PCDH15: variants seen among roughly 807,000 people sequenced by gnomAD.
PCDH15 encodes the protein protocadherin related 15.
In PCDH15, 129 loss-of-function variants were observed where a neutral mutation model predicts 178.5. The observed-to-expected ratio is 0.72, with a 90% CI of 0.63 to 0.84. PCDH15 has a LOEUF of 0.84. Among genes scored for constraint, PCDH15 ranks in the 40% least tolerant of loss-of-function variants. The pLI is 0.00. For missense variants in PCDH15, 2,230 were observed against 2,099.9 expected, an observed-to-expected ratio of 1.06 and a Z score of -1.21; for synonymous variants, 800 against 732.0, an observed-to-expected ratio of 1.09 and a Z score of -1.50.
chr10:54,330,492 A>G (rs1324579589), intron 6 of PCDH15, among the ~76,000 whole-genome samples: 1 of 151,956 alleles, frequency 6.6e-6, no homozygotes, highest in Non-Finnish European at 1.5e-5. Context: ...GCTATGTGAT[A>G]TATCATTGAC....
At chr10:54,307,356 G>A (rs2060624216) in intron 8 of PCDH15, among the ~76,000 whole-genome samples, 1 of 150,636 alleles carries the variant, frequency 6.6e-6, no homozygotes, top group Non-Finnish European at 1.5e-5. Flanking sequence ...ATTAGTGTGT[G>A]GAAAAACAGC....
At chr10:55,579,433 A>C (rs891674414) in intron 2 of PCDH15, among the ~76,000 whole-genome samples, 2 of 152,180 alleles carry the variant, frequency 1.3e-5, no homozygotes, top group Admixed American at 6.5e-5. Flanking sequence ...ACCTACTTGT[A>C]CAACTCATCT....
chr10:54,544,585 G>T (rs1276653376), intron 2 of PCDH15, among the ~76,000 whole-genome samples: 1 of 152,020 alleles, frequency 6.6e-6, no homozygotes, highest in Non-Finnish European at 1.5e-5. Flanking sequence ...TAATTTAATT[G>T]TGTTTGCATA....
intron 1 of PCDH15, among the ~76,000 whole-genome samples, chr10:54,797,604 A>G (rs959526704): frequency 6.6e-6 from 1 of 151,810 alleles, no homozygotes; most frequent in Admixed American, 6.6e-5. Flanking sequence ...TGTATTTAAA[A>G]TTATTTAGCA....
At chr10:55,318,265 G>A (rs976236503) in intron 1 of PCDH15, among the ~76,000 whole-genome samples, 6 of 152,040 alleles carry the variant, frequency 3.9e-5, no homozygotes, top group Admixed American at 3.9e-4. Context: ...TGTGTTGGGG[G>A]CAGGGGTGTG....
chr10:53,892,018 A>G (rs942492426), intron 26 of PCDH15, among the ~76,000 whole-genome samples: 116 of 99,176 alleles, frequency 1.2e-3, no homozygotes, highest in African/African-American at 5.7e-3. Context: ...CTTTACATCT[A>G]TGTTTTTTTT....
chr10:54,458,580 G>A (rs886370189), intron 3 of PCDH15, among the ~76,000 whole-genome samples: 3 of 151,858 alleles, frequency 2.0e-5, no homozygotes, highest in Non-Finnish European at 2.9e-5. Flanking sequence ...ATGCTTGCAG[G>A]GTGAATCTTT....
intron 3 of PCDH15, among the ~76,000 whole-genome samples, chr10:54,814,389 C>T (rs777689575): frequency 2.0e-5 from 3 of 151,938 alleles, no homozygotes; most frequent in East Asian, 1.9e-4. Flanking sequence ...AAAAATTAAA[C>T]GTGTATCTAA....
At chr10:54,078,795 G>T (rs559341876) in intron 17 of PCDH15, among the ~76,000 whole-genome samples, 3 of 151,518 alleles carry the variant, frequency 2.0e-5, no homozygotes, top group Admixed American at 1.3e-4. Context: ...AAAGGAAATA[G>T]AATTTATCTT....
rs577532583 is a variant in PCDH15, at chr10:54,778,811, C to T, written c.-29+22114G>A. Among the ~76,000 whole-genome samples, 5 of 152,030 alleles carry T rather than the reference C, an allele frequency of 3.3e-5. No homozygotes were observed. In the South Asian group the frequency reaches 1.0e-3, roughly 32 times the overall value. On this transcript the variant is annotated intron_variant, in intron 1 of 37. Transcript: ENST00000644397. ...TAATTGCAGACCAAATATATAGTTACAATTGTCGCTATTTATAAAGAGGTT... is the reference window on the plus strand; with the variant it reads ...TAATTGCAGACCAAATATATAGTTATAATTGTCGCTATTTATAAAGAGGTT...
chr10:54,094,242 C>T (rs1767860888), intron 15 of PCDH15, among the ~76,000 whole-genome samples: 2 of 152,110 alleles, frequency 1.3e-5, no homozygotes, highest in Non-Finnish European at 2.9e-5. Context: ...AAATCCTGCC[C>T]TTATACAATT....
chr10:54,423,555 C>G (rs930091107), intron 3 of PCDH15, among the ~76,000 whole-genome samples: 9 of 151,716 alleles, frequency 5.9e-5, no homozygotes, highest in Admixed American at 5.2e-4. Context: ...GTGAGGCAGC[C>G]ACAGGAAGTC....
intron 2 of PCDH15, among the ~76,000 whole-genome samples, chr10:55,383,196 T>G (rs1217661266): frequency 6.6e-6 from 1 of 152,094 alleles, no homozygotes; most frequent in Admixed American, 6.6e-5. Context: ...CCCAGCTGTC[T>G]CCAGCCAGGC....
At chr10:55,524,742 A>G (rs575763820) in intron 2 of PCDH15, among the ~76,000 whole-genome samples, 1 of 151,358 alleles carries the variant, frequency 6.6e-6, no homozygotes, top group East Asian at 1.9e-4. Context: ...TAGCTTATTT[A>G]TTATTCCCAA....
intron 20 of PCDH15, among the ~76,000 whole-genome samples, chr10:54,003,941 A>G (rs2092284722): frequency 6.6e-6 from 1 of 152,118 alleles, no homozygotes. Flanking sequence ...ATCATTAATC[A>G]TGACCAAATA....
chr10:55,243,048 AT>A (rs1189167946), intron 1 of PCDH15, among the ~76,000 whole-genome samples: 1 of 152,052 alleles, frequency 6.6e-6, no homozygotes, highest in South Asian at 2.1e-4. Flanking sequence ...TTGCTTATAG[AT>A]TTTTTTTCAA....
intron 2 of PCDH15, among the ~76,000 whole-genome samples, chr10:55,613,176 A>C (rs1263224368): frequency 1.3e-5 from 2 of 152,016 alleles, no homozygotes; most frequent in African/African-American, 4.8e-5. Flanking sequence ...GTTTTGCCTC[A>C]TGTTCCCTAA....
chr10:54,824,886 A>G (rs1046732128), intron 3 of PCDH15, among the ~76,000 whole-genome samples: 12 of 152,098 alleles, frequency 7.9e-5, no homozygotes, highest in Non-Finnish European at 1.8e-4. Flanking sequence ...TTTTATTATT[A>G]TTATACTTTA....
intron 1 of PCDH15, among the ~76,000 whole-genome samples, chr10:54,713,870 T>A (rs1356885514): frequency 1.3e-5 from 2 of 152,170 alleles, no homozygotes; most frequent in East Asian, 3.9e-4. Context: ...CCATTTTGAC[T>A]TTTCCCTTGA....
Sources: gnomAD v4.1 joint callset for allele counts (sites outside exome capture counted in the v4.1 genomes callset) on GRCh38, gnomAD v4.1.1 for gene constraint, MANE v1.5 for transcripts, NCBI Gene and HGNC (gene_info 2026-07-23, HGNC 2026-07-21) for gene names.